The following ST18 variants were observed in gnomAD, a reference collection of about 807,000 sequenced individuals.
The protein encoded by ST18 is suppression of tumorigenicity 18 protein.
Under a neutral mutation model 110.0 loss-of-function variants are expected in ST18, and 50 were observed. That is an observed-to-expected ratio of 0.45 (90% CI 0.36 to 0.58). ST18 has a LOEUF of 0.58. ST18 is among the 20% of genes least tolerant of loss of function. The pLI is 0.00. For synonymous variants in ST18, 461 were observed against 452.4 expected (o/e 1.02, Z -0.24); for missense variants, 1,306 against 1,280.1 (o/e 1.02, Z -0.31).
chr8:52,210,211 A>G, intron 8 of ST18: 1 of 443,624 alleles, frequency 2.3e-6, no homozygotes, highest in Non-Finnish European at 4.5e-6. Flanking sequence ...ACTATTCTAC[A>G]GGGGACATAA....
At chr8:52,190,117 C>G (rs900860404) in intron 8 of ST18, among the ~76,000 whole-genome samples, 2 of 152,114 alleles carry the variant, frequency 1.3e-5, no homozygotes, top group African/African-American at 4.8e-5. Context: ...CACACCTGAC[C>G]TCATGTGACA....
At chr8:52,154,564 A>G (rs2059572546) in intron 15 of ST18, 1 of 152,204 alleles carries the variant, frequency 6.6e-6, no homozygotes, top group Admixed American at 6.5e-5. Context: ...CCGGAGGAAG[A>G]TGCTCAGGAG....
chr8:52,311,012 C>A (rs1382137861), intron 2 of ST18, among the ~76,000 whole-genome samples: 3 of 152,208 alleles, frequency 2.0e-5, no homozygotes, highest in African/African-American at 7.2e-5. Flanking sequence ...GAGCTCACAT[C>A]ACACCTCTCA....
intron 8 of ST18, among the ~76,000 whole-genome samples, chr8:52,188,466 G>T (rs1195338546): frequency 5.3e-5 from 8 of 152,190 alleles, no homozygotes; most frequent in Non-Finnish European, 8.8e-5. Flanking sequence ...AGTGAAGGAG[G>T]AGGAATAATA....
At chr8:52,261,511 T>C (rs778409163) in intron 2 of ST18, among the ~76,000 whole-genome samples, 4 of 152,216 alleles carry the variant, frequency 2.6e-5, no homozygotes, top group Non-Finnish European at 4.4e-5. Flanking sequence ...CTTCAAAATA[T>C]AAACTTTCTC....
chr8:52,126,018 C>G (rs753272016), intron 23 of ST18, 34 bp downstream of exon 23: 1 of 1,584,052 alleles, frequency 6.3e-7, no homozygotes, highest in Non-Finnish European at 8.7e-7. Context: ...CTACACCCTG[C>G]AGGAGGTGGT....
chr8:52,227,712 A>T (rs1174311746), intron 3 of ST18, among the ~76,000 whole-genome samples: 2 of 152,210 alleles, frequency 1.3e-5, no homozygotes, highest in African/African-American at 2.4e-5. Context: ...GAACTGCAAG[A>T]TCTGTCTGCT....
At chr8:52,398,283 G>T (rs13268736) in intron 2 of ST18, among the ~76,000 whole-genome samples, 146,876 of 152,270 alleles carry the variant, frequency 0.96, 70,959 homozygotes, top group Non-Finnish European at 1. Context: ...TCCTACAAAT[G>T]TACTGAATTC....
chr8:52,384,788 T>TAG (rs1835903676), intron 2 of ST18, among the ~76,000 whole-genome samples: 1 of 131,458 alleles, frequency 7.6e-6, no homozygotes, highest in Non-Finnish European at 1.6e-5. Context: ...TGTACACAGG[T>TAG]GTGTGTGTGT....
At chr8:52,327,221 T>C (rs1036941239) in intron 2 of ST18, among the ~76,000 whole-genome samples, 2 of 152,352 alleles carry the variant, frequency 1.3e-5, no homozygotes, top group Middle Eastern at 3.4e-3. Flanking sequence ...AGTCATCTCT[T>C]GGAATCTGCA....
intron 8 of ST18, 55 bp downstream of exon 8, chr8:52,212,024 T>G (rs1311029117): frequency 1.3e-6 from 2 of 1,547,850 alleles, no homozygotes; most frequent in Non-Finnish European, 1.8e-6. Flanking sequence ...TACAAATCAT[T>G]CGAATAATCA....
intron 2 of ST18, among the ~76,000 whole-genome samples, chr8:52,367,239 C>CACACACACAG (rs1554851183): frequency 1.4e-5 from 2 of 147,494 alleles, no homozygotes; most frequent in African/African-American, 5.1e-5. Context: ...CCCTGTCTCA[C>CACACACACAG]ACACACACAC....
intron 23 of ST18, among the ~76,000 whole-genome samples, chr8:52,124,653 T>C (rs967767655): frequency 6.6e-6 from 1 of 152,060 alleles, no homozygotes; most frequent in African/African-American, 2.4e-5. Flanking sequence ...AGTCAGAACA[T>C]CTAGTGAAAA....
chr8:52,362,439 G>A (rs1826107764), intron 2 of ST18, among the ~76,000 whole-genome samples: 1 of 152,074 alleles, frequency 6.6e-6, no homozygotes, highest in Admixed American at 6.6e-5. Flanking sequence ...TTCATCAACT[G>A]GCAACATTAG....
intron 2 of ST18, among the ~76,000 whole-genome samples, chr8:52,403,160 G>A (rs572792230): frequency 5.3e-5 from 8 of 152,048 alleles, no homozygotes; most frequent in Non-Finnish European, 1.2e-4. Context: ...TTCCCAGGGG[G>A]TATGGAGTTG....
chr8:52,132,439 C>A (rs2050059833), intron 21 of ST18, among the ~76,000 whole-genome samples: 1 of 152,176 alleles, frequency 6.6e-6, no homozygotes, highest in Admixed American at 6.5e-5. Flanking sequence ...GCTCAGGTAA[C>A]CTGCCGCCCA....
chr8:52,320,325 A>G (rs1227347223), intron 2 of ST18, among the ~76,000 whole-genome samples: 1 of 152,158 alleles, frequency 6.6e-6, no homozygotes, highest in African/African-American at 2.4e-5. Flanking sequence ...GGAAACCCAC[A>G]GGGCTGGAGG....
chr8:52,266,578 G>T (rs1369496575), intron 2 of ST18, among the ~76,000 whole-genome samples: 3 of 141,850 alleles, frequency 2.1e-5, no homozygotes, highest in African/African-American at 8.0e-5. Flanking sequence ...GTCTCACTCT[G>T]TTGCCCAGGC....
intron 2 of ST18, among the ~76,000 whole-genome samples, chr8:52,337,285 G>A (rs570135560): frequency 1.3e-5 from 2 of 152,160 alleles, no homozygotes; most frequent in East Asian, 1.9e-4. Flanking sequence ...CACTGCAACC[G>A]CCAGGAAGTC....
Sources: gnomAD v4.1 joint callset for allele counts (sites outside exome capture counted in the v4.1 genomes callset) on GRCh38, gnomAD v4.1.1 for gene constraint, MANE v1.5 for transcripts, NCBI Gene and HGNC (gene_info 2026-07-23, HGNC 2026-07-21) for gene names.